The following CFAP47 variants were observed in gnomAD, a reference collection of about 807,000 sequenced individuals.
CFAP47 encodes cilia- and flagella-associated protein 47.
A neutral mutation model predicts 148.1 loss-of-function variants in CFAP47; 29 were observed. The observed-to-expected ratio is 0.20, with a 90% CI of 0.15 to 0.27. The LOEUF (loss-of-function observed/expected upper bound fraction) is 0.27, where lower values mean the gene tolerates loss of function less well. Ranked by LOEUF, CFAP47 falls within the 10% of genes least tolerant of loss-of-function variation. CFAP47 has a pLI of 1.00. For synonymous variants in CFAP47, 664 were observed against 577.3 expected (o/e 1.15, Z -2.15); for missense variants, 1,872 against 1,697.5 (o/e 1.10, Z -1.81).
At chrX:35,992,397 T>A (rs1261410209) in intron 17 of CFAP47, among the ~76,000 whole-genome samples, 2 of 110,187 alleles carry the variant, frequency 1.8e-5, no homozygotes, top group Admixed American at 9.7e-5. Context: ...TTTTTTTTTT[T>A]AAATTGAAAA....
intron 57 of CFAP47, 32 bp from the exon 58 acceptor site, chrX:36,348,097 C>T: frequency 2.4e-6 from 2 of 816,808 alleles, no homozygotes; most frequent in Non-Finnish European, 1.6e-6. Context: ...TAATATTTAC[C>T]ATATTAAAAA....
chrX:36,011,124 C>T (rs1937034621), intron 21 of CFAP47, among the ~76,000 whole-genome samples: 1 of 111,874 alleles, frequency 8.9e-6, no homozygotes, highest in African/African-American at 3.3e-5. Flanking sequence ...TATGCATGGT[C>T]ACTGAAGTGT....
chrX:36,243,962 G>A (rs1432173347), intron 48 of CFAP47, among the ~76,000 whole-genome samples: 1 of 110,001 alleles, frequency 9.1e-6, no homozygotes, highest in African/African-American at 3.3e-5. Flanking sequence ...CATATTTTAA[G>A]ATTGACCACA....
intron 21 of CFAP47, among the ~76,000 whole-genome samples, chrX:36,011,782 T>A (rs1422882106): frequency 9.0e-6 from 1 of 111,713 alleles, no homozygotes; most frequent in Non-Finnish European, 1.9e-5. Context: ...ATTGCAAAAA[T>A]TTTCTCCCAT....
At position 36,371,730 on chromosome X, in the gene CFAP47, GTGTGTATATATGTGTGTATA is replaced by G. The variant is rs1569329293; in HGVS notation, c.9185+4605_9185+4624del. 6.9e-4 allele frequency among the ~76,000 whole-genome samples: 30 copies of G among 43,198 alleles called. 4 individuals are homozygous for G. The highest frequency in any genetic ancestry group is 3.4e-3 in the African/African-American group (23 of 6,819). The allele number at this position is 43,198 out of a possible 115,157, so 37.5% of individuals were successfully genotyped here. A position where few individuals can be genotyped will look rare whatever the true frequency, so the allele number is the denominator to read the frequency against. On this transcript the variant is annotated intron_variant, in intron 62 of 63. Coordinates refer to ENST00000378653, the MANE Select transcript of CFAP47 (RefSeq NM_001304548.2). ...TATATATGTGTGTATATACACACAT[GTGTGTATATATGTGTGTATA>G]TACACACATGTGTGTATATACACAC...
At chrX:36,262,465 A>G (rs912684640) in intron 49 of CFAP47, among the ~76,000 whole-genome samples, 70 of 111,873 alleles carry the variant, frequency 6.3e-4, no homozygotes, top group African/African-American at 2.2e-3. Flanking sequence ...AGAAAATGCA[A>G]TGTTTGTCTT....
intron 57 of CFAP47, among the ~76,000 whole-genome samples, chrX:36,324,787 AAAAG>A (rs1941504531): frequency 8.9e-6 from 1 of 111,803 alleles, no homozygotes; most frequent in South Asian, 3.7e-4. Context: ...ACATTACTGG[AAAAG>A]AAAGAAATAG....
In CFAP47 at chrX:36,089,617, A is replaced by G. The variant is rs771292804; in HGVS notation, c.4916+4079A>G. Among the ~76,000 whole-genome samples, 295 of 111,108 alleles carry G rather than the reference A, an allele frequency of 2.7e-3. 3 individuals are homozygous for G. The highest frequency in any genetic ancestry group is 8.9e-3 in the African/African-American group (273 of 30,615). On this transcript the variant is annotated intron_variant, in intron 30 of 63. Coordinates refer to ENST00000378653, the MANE Select transcript of CFAP47 (RefSeq NM_001304548.2). ...TGTACTCCTGTGACCTTCCTTGCAC[A>G]AGTTACTTCACCCGTTTTAGCTCTA...
At chrX:36,233,046 A>G (rs781981556) in intron 46 of CFAP47, among the ~76,000 whole-genome samples, 22 of 111,787 alleles carry the variant, frequency 2.0e-4, no homozygotes, top group African/African-American at 6.8e-4. Flanking sequence ...TATGTGGTCA[A>G]TTTTGGAATA....
At position 36,376,279 on chromosome X, in the gene CFAP47, G is replaced by C. The variant is rs782040703; in HGVS notation, c.9186-3071G>C. ...ATTGGTTTATTTCTTTTTTCAGAAA[G>C]TTATAGTCTCTTGTTCTTCTGGTGT... On this transcript the variant is annotated intron_variant, in intron 62 of 63. Transcript: ENST00000378653. Among the ~76,000 whole-genome samples the C allele has an allele frequency of 1.8e-3, 201 of 112,217 alleles. 1 individual carries two copies. The highest frequency in any genetic ancestry group is 6.1e-3 in the African/African-American group (188 of 30,939).
intron 55 of CFAP47, among the ~76,000 whole-genome samples, chrX:36,307,224 A>G (rs1941357933): frequency 9.0e-6 from 1 of 111,502 alleles, no homozygotes; most frequent in Non-Finnish European, 1.9e-5. Flanking sequence ...ATAGAGTGCA[A>G]TTTGTAAATA....
intron 45 of CFAP47, among the ~76,000 whole-genome samples, chrX:36,221,604 G>A (rs1389695855): frequency 9.0e-6 from 1 of 111,027 alleles, no homozygotes; most frequent in East Asian, 2.8e-4. Context: ...AAACTAAAAT[G>A]TAGCTTTATA....
chrX:36,178,292 C>T (rs925400829), intron 39 of CFAP47, among the ~76,000 whole-genome samples: 2 of 110,401 alleles, frequency 1.8e-5, no homozygotes, highest in South Asian at 3.8e-4. Flanking sequence ...ATGCAATATA[C>T]CTGTGTACCA....
At chrX:36,094,767 G>GT (rs1038494141) in intron 30 of CFAP47, among the ~76,000 whole-genome samples, 5 of 111,029 alleles carry the variant, frequency 4.5e-5, no homozygotes, top group Admixed American at 9.6e-5. Context: ...TTTCTAATAG[G>GT]TTTTTTTGTG....
At position 36,110,770 on chromosome X, in the gene CFAP47, C is replaced by T. The variant is rs911890157; in HGVS notation, c.5320+6079C>T. ...GAATGATTCTTCCATCTGTTGGTGTCATCTCTGATTTCTTTGAGCAGTGTT... is the reference window on the plus strand; with the variant it reads ...GAATGATTCTTCCATCTGTTGGTGTTATCTCTGATTTCTTTGAGCAGTGTT... On this transcript the variant is annotated intron_variant, in intron 33 of 63. Transcript: ENST00000378653. 2.1e-4 allele frequency among the ~76,000 whole-genome samples: 24 copies of T among 111,934 alleles called. No homozygotes were observed. In the Admixed American group the frequency reaches 2.2e-3, roughly 10 times the overall value.
chrX:35,927,768 C>A (rs146789920), intron 2 of CFAP47, among the ~76,000 whole-genome samples: 20 of 110,679 alleles, frequency 1.8e-4, no homozygotes, highest in African/African-American at 6.6e-4. Flanking sequence ...ATCTACTTCC[C>A]TTCTGCCTCA....
chrX:36,075,963 T>G (rs1013236033), intron 29 of CFAP47, among the ~76,000 whole-genome samples: 19 of 111,660 alleles, frequency 1.7e-4, no homozygotes, highest in African/African-American at 6.2e-4. Context: ...TTCTATCTCT[T>G]TGCTATCACT....
At chrX:36,295,675 A>C (rs1234732752) in intron 51 of CFAP47, among the ~76,000 whole-genome samples, 5 of 111,922 alleles carry the variant, frequency 4.5e-5, no homozygotes, top group African/African-American at 1.6e-4. Flanking sequence ...TACAACCTTA[A>C]GAAATATTGA....
At chrX:36,216,323 C>T (rs1216963254) in intron 45 of CFAP47, among the ~76,000 whole-genome samples, 3 of 111,888 alleles carry the variant, frequency 2.7e-5, no homozygotes, top group Non-Finnish European at 5.6e-5. Flanking sequence ...CCCCTACCAT[C>T]CCTGTTGACA....
Sources: allele counts gnomAD v4.1 joint callset (sites outside exome capture counted in the v4.1 genomes callset), GRCh38; gene constraint gnomAD v4.1.1; transcripts MANE v1.5; gene names NCBI Gene and HGNC (gene_info 2026-07-23, HGNC 2026-07-21).